NGF: variants seen among roughly 807,000 people sequenced by gnomAD.
NGF encodes the protein nerve growth factor.
A neutral mutation model predicts 12.8 loss-of-function variants in NGF; 4 were observed. The ratio of observed to expected loss-of-function variants is 0.31; its 90% confidence interval spans 0.15 to 0.72. The LOEUF is 0.72. Ranked by LOEUF, NGF falls within the 30% of genes least tolerant of loss-of-function variation. The pLI is 0.69. For missense variants in NGF, 283 were observed against 330.8 expected (o/e 0.86, Z 1.12); for synonymous variants, 140 against 130.0 (o/e 1.08, Z -0.52).
intron 1 of NGF, among the ~76,000 whole-genome samples, chr1:115,325,430 C>T (rs1179896481): frequency 6.6e-6 from 1 of 152,094 alleles, no homozygotes; most frequent in Non-Finnish European, 1.5e-5. Context: ...CATGTTGTTA[C>T]TGGCTGCCAG....
chr1:115,286,925 C>T (rs3730194), intron 2 of NGF, 118 bp from the exon 3 acceptor site: 39 of 1,269,012 alleles, frequency 3.1e-5, no homozygotes, highest in African/African-American at 1.0e-4. Context: ...TCATTCAAAC[C>T]GGGGCACTTC....
intron 1 of NGF, among the ~76,000 whole-genome samples, chr1:115,333,372 G>A (rs965723015): frequency 3.9e-5 from 6 of 151,964 alleles, no homozygotes; most frequent in African/African-American, 9.7e-5. Context: ...TCTTTCATTC[G>A]CAGGGCTCTC....
At chr1:115,304,185 T>A (rs1654130330) in intron 1 of NGF, among the ~76,000 whole-genome samples, 2 of 152,084 alleles carry the variant, frequency 1.3e-5, no homozygotes, top group Non-Finnish European at 2.9e-5. Context: ...GTATTTTTTT[T>A]TCGAGATGTA....
chr1:115,332,157 C>G (rs1557948609), intron 1 of NGF, among the ~76,000 whole-genome samples: 1 of 152,334 alleles, frequency 6.6e-6, no homozygotes, highest in East Asian at 1.9e-4. Flanking sequence ...GCAAAACATT[C>G]TTAAAGCTGC....
At chr1:115,305,011 G>A (rs897173911) in intron 1 of NGF, among the ~76,000 whole-genome samples, 1 of 152,082 alleles carries the variant, frequency 6.6e-6, no homozygotes, top group South Asian at 2.1e-4. Context: ...AGTCCTCTTC[G>A]GCCTCCACCT....
At chr1:115,326,375 T>C (rs754958743) in intron 1 of NGF, among the ~76,000 whole-genome samples, 7 of 152,160 alleles carry the variant, frequency 4.6e-5, no homozygotes, top group Non-Finnish European at 8.8e-5. Flanking sequence ...ATCCAAGTTT[T>C]AGACAACCAA....
At chr1:115,332,866 C>G (rs765351345) in intron 1 of NGF, among the ~76,000 whole-genome samples, 4 of 152,200 alleles carry the variant, frequency 2.6e-5, no homozygotes, top group Non-Finnish European at 4.4e-5. Flanking sequence ...CAAAGGGAGC[C>G]TGTCCCACTT....
At chr1:115,317,225 G>A (rs915969457) in intron 1 of NGF, among the ~76,000 whole-genome samples, 2 of 152,096 alleles carry the variant, frequency 1.3e-5, no homozygotes, top group African/African-American at 2.4e-5. Flanking sequence ...AGGGCAGCTC[G>A]AGTGTTGTGC....
At chr1:115,319,593 G>A (rs566076747) in intron 1 of NGF, among the ~76,000 whole-genome samples, 1 of 152,166 alleles carries the variant, frequency 6.6e-6, no homozygotes, top group South Asian at 2.1e-4. Flanking sequence ...TGGTAGTGCG[G>A]GTACAAGGGT....
At chr1:115,296,624 A>C (rs1394202674) in intron 1 of NGF, among the ~76,000 whole-genome samples, 1 of 152,114 alleles carries the variant, frequency 6.6e-6, no homozygotes, top group Non-Finnish European at 1.5e-5. Flanking sequence ...TCTGATTGCT[A>C]TATTTGAAAC....
Position 115,286,708 on chromosome 1 carries a change from G to T in NGF, c.88C>A (p.His30Asn). The change falls in exon 3 of 3, where the codon CAC (histidine) becomes AAC (asparagine). Residue 30 changes from histidine (H) to asparagine (N), a missense_variant. Coordinates refer to ENST00000369512, the MANE Select transcript of NGF (RefSeq NM_002506.3). ...GTCCAGTGGGCTTGGGGGATGGTGT[G>T]TCCTGCAGGGACATTGCTCTCTGAG... ...PHSESNVPAG[H>N]TIPQAHWTKL... is the part of the protein sequence containing the mutation. 1 of 1,614,208 alleles carries T rather than the reference G, an allele frequency of 6.2e-7. No individual in the cohort carries two copies. The highest frequency in any genetic ancestry group is 8.5e-7 in the Non-Finnish European group (1 of 1,180,044).
Position 115,319,820 on chromosome 1 carries a change from G to A in NGF, c.-137+18384C>T, listed in dbSNP as rs577507407. On this transcript the variant is annotated intron_variant, in intron 1 of 2. Coordinates refer to ENST00000369512, the MANE Select transcript of NGF (RefSeq NM_002506.3). ...AAGGAAGAACAATGTCAGCCTAGCA[G>A]CCTCAGCCAGGCCCTGAATTCCTGA... 4.6e-5 allele frequency among the ~76,000 whole-genome samples: 7 copies of A among 152,280 alleles called. No homozygotes were observed. The South Asian group carries it at 6.2e-4, about 14-fold the overall frequency.
intron 1 of NGF, among the ~76,000 whole-genome samples, chr1:115,329,112 A>G (rs1557947686): frequency 6.6e-6 from 1 of 152,056 alleles, no homozygotes; most frequent in Non-Finnish European, 1.5e-5. Context: ...AGGGAAAAGA[A>G]GAGGAGGAGG....
chr1:115,321,608 G>A (rs1029299295), intron 1 of NGF, among the ~76,000 whole-genome samples: 1 of 149,212 alleles, frequency 6.7e-6, no homozygotes, highest in Admixed American at 6.6e-5. Context: ...GTGTGTGTGT[G>A]TGTGTGTGTG....
chr1:115,305,369 G>A (rs1171191911), intron 1 of NGF, among the ~76,000 whole-genome samples: 1 of 152,174 alleles, frequency 6.6e-6, no homozygotes. Context: ...ATGGACAACA[G>A]CCCAGGTCCC....
chr1:115,294,408 A>G (rs1322108615), intron 1 of NGF, among the ~76,000 whole-genome samples: 2 of 152,184 alleles, frequency 1.3e-5, no homozygotes, highest in Non-Finnish European at 2.9e-5. Flanking sequence ...TTCTCCTCTC[A>G]CTTCTATAAT....
intron 1 of NGF, among the ~76,000 whole-genome samples, chr1:115,317,581 A>G (rs1171733074): frequency 6.6e-6 from 1 of 152,230 alleles, no homozygotes; most frequent in Non-Finnish European, 1.5e-5. Flanking sequence ...AGTCAAGGAA[A>G]CAATGCCACT....
At chr1:115,291,219 A>G (rs1253276538) in intron 2 of NGF, among the ~76,000 whole-genome samples, 1 of 151,748 alleles carries the variant, frequency 6.6e-6, no homozygotes, top group Non-Finnish European at 1.5e-5. Context: ...GTGTGTTCCT[A>G]TAAACTTTTA....
intron 1 of NGF, among the ~76,000 whole-genome samples, chr1:115,320,018 A>G (rs975654852): frequency 2.0e-5 from 3 of 152,184 alleles, no homozygotes; most frequent in Non-Finnish European, 2.9e-5. Context: ...ATCCTGGGAG[A>G]ATCCAGATGG....
Sources: allele counts gnomAD v4.1 joint callset (sites outside exome capture counted in the v4.1 genomes callset), GRCh38; gene constraint gnomAD v4.1.1; transcripts MANE v1.5; gene names NCBI Gene and HGNC (gene_info 2026-07-23, HGNC 2026-07-21).